Variants in LMTK2 observed in about 807,000 individuals in gnomAD.
LMTK2 encodes lemur tail kinase 2, also known as serine/threonine-protein kinase LMTK2.
A neutral mutation model predicts 127.5 loss-of-function variants in LMTK2; 37 were observed. That is an observed-to-expected ratio of 0.29 (90% CI 0.22 to 0.38). LMTK2 has a LOEUF of 0.38. Ranked by LOEUF, LMTK2 falls within the 10% of genes least tolerant of loss-of-function variation. The pLI, the probability that LMTK2 is intolerant of heterozygous loss-of-function variation, is 1.00. For missense variants in LMTK2, 1,694 were observed against 1,920.3 expected (o/e 0.88, Z 2.20); for synonymous variants, 819 against 810.1 (o/e 1.01, Z -0.19).
intron 7 of LMTK2, among the ~76,000 whole-genome samples, chr7:98,177,777 C>T (rs1311497643): frequency 2.6e-5 from 4 of 152,266 alleles, no homozygotes; most frequent in Admixed American, 2.6e-4. Flanking sequence ...ACACAGCAGG[C>T]ACTCAGTAAA....
intron 1 of LMTK2, among the ~76,000 whole-genome samples, chr7:98,133,862 T>C (rs1445756215): frequency 1.3e-5 from 2 of 152,198 alleles, no homozygotes; most frequent in Admixed American, 6.5e-5. Flanking sequence ...ACAGTCCTTA[T>C]CCAGTTCTGT....
In LMTK2 at chr7:98,192,797, C is replaced by T. The variant is rs751335382; in HGVS notation, c.2332C>T (p.Pro778Ser). 1 of 1,613,796 alleles carries T rather than the reference C, an allele frequency of 6.2e-7. No homozygotes were observed. The highest frequency in any genetic ancestry group is 8.5e-7 in the Non-Finnish European group (1 of 1,179,790). The change falls in exon 11 of 14, where the codon CCA (proline) becomes TCA (serine). Residue 778 changes from proline to serine, a missense_variant. Physicochemically the swap from Pro to Ser is moderately conservative, Grantham distance 74. Transcript: ENST00000297293. ...TGAGCTTCAGTTTGCTGAAAATAAG[C>T]CAGGCTTGTCTTTGTTGCAGGAAAA... ...DTELQFAENK[P>S]GLSLLQENVS...
intron 7 of LMTK2, among the ~76,000 whole-genome samples, chr7:98,172,651 T>C (rs187769119): frequency 6.6e-6 from 1 of 152,368 alleles, no homozygotes; most frequent in African/African-American, 2.4e-5. Context: ...AGTATTTCTT[T>C]AGTCAACTTT....
chr7:98,121,487 G>A (rs1010726643), intron 1 of LMTK2, among the ~76,000 whole-genome samples: 2 of 151,270 alleles, frequency 1.3e-5, no homozygotes, highest in African/African-American at 2.4e-5. Flanking sequence ...AAAAAAATTA[G>A]CCTGGCATGG....
intron 7 of LMTK2, among the ~76,000 whole-genome samples, chr7:98,179,759 T>G (rs1797327494): frequency 6.6e-6 from 1 of 152,192 alleles, no homozygotes; most frequent in Non-Finnish European, 1.5e-5. Context: ...CCCAGGCAGT[T>G]CAGCAGGCCT....
intron 1 of LMTK2, among the ~76,000 whole-genome samples, chr7:98,115,246 C>T (rs905979011): frequency 6.6e-6 from 1 of 151,734 alleles, no homozygotes; most frequent in Admixed American, 6.6e-5. Context: ...GAAACCCCGT[C>T]TATACTAAAA....
At chr7:98,108,951 C>T (rs1171287620) in intron 1 of LMTK2, among the ~76,000 whole-genome samples, 1 of 151,140 alleles carries the variant, frequency 6.6e-6, no homozygotes, top group African/African-American at 2.4e-5. Flanking sequence ...CAACCCCCCC[C>T]TTCCGAGTTC....
intron 7 of LMTK2, among the ~76,000 whole-genome samples, chr7:98,182,493 A>G (rs1036891890): frequency 6.6e-6 from 1 of 152,256 alleles, no homozygotes; most frequent in African/African-American, 2.4e-5. Context: ...GCCCAGCATC[A>G]GTGATCATTA....
chr7:98,108,202 T>A (rs937630027), intron 1 of LMTK2, among the ~76,000 whole-genome samples: 3 of 152,210 alleles, frequency 2.0e-5, no homozygotes, highest in African/African-American at 7.2e-5. Flanking sequence ...ATACTGGGCA[T>A]GTTGGGTCAA....
chr7:98,150,169 G>T (rs562777046), intron 3 of LMTK2, among the ~76,000 whole-genome samples: 1 of 152,056 alleles, frequency 6.6e-6, no homozygotes, highest in African/African-American at 2.4e-5. Context: ...GTAGTCGGGC[G>T]TGGTAGCAGG....
intron 1 of LMTK2, among the ~76,000 whole-genome samples, chr7:98,130,496 G>A (rs903335946): frequency 2.6e-5 from 4 of 152,096 alleles, no homozygotes; most frequent in African/African-American, 9.7e-5. Context: ...TGGGTTGGAT[G>A]GTGTTCCCCC....
intron 3 of LMTK2, among the ~76,000 whole-genome samples, chr7:98,145,255 A>G (rs1796753944): frequency 7.3e-6 from 1 of 136,906 alleles, no homozygotes; most frequent in Admixed American, 7.9e-5. Context: ...AGGGAAATGA[A>G]GAGGGAATCA....
At chr7:98,176,427 A>G (rs1012418729) in intron 7 of LMTK2, among the ~76,000 whole-genome samples, 1 of 152,240 alleles carries the variant, frequency 6.6e-6, no homozygotes, top group Admixed American at 6.5e-5. Flanking sequence ...GAAACCAGGC[A>G]GAGATGCCCA....
intron 7 of LMTK2, among the ~76,000 whole-genome samples, chr7:98,175,200 A>G (rs1285389583): frequency 1.3e-5 from 2 of 152,186 alleles, no homozygotes; most frequent in Admixed American, 1.3e-4. Context: ...GGAAGAGTCC[A>G]GGTCGGTTTT....
chr7:98,159,197 T>A, intron 5 of LMTK2, 141 bp from the exon 6 acceptor site: 3 of 498,464 alleles, frequency 6.0e-6, no homozygotes, highest in Non-Finnish European at 1.0e-5. Context: ...CTTTTTAGCC[T>A]GTCATTTATG....
chr7:98,187,679 C>T (rs1273713040), intron 9 of LMTK2, among the ~76,000 whole-genome samples: 3 of 127,188 alleles, frequency 2.4e-5, no homozygotes, highest in Admixed American at 1.6e-4. Context: ...TCTCGGCTCA[C>T]GGCTCACTGC....
chr7:98,191,601 G>A lies in LMTK2; in HGVS notation c.1149-13G>A, dbSNP rs748085361. On this transcript the variant is annotated splice_polypyrimidine_tract_variant and intron_variant, in intron 10 of 13. Coordinates refer to ENST00000297293, the MANE Select transcript of LMTK2 (RefSeq NM_014916.4). The stretch of plus-strand genomic sequence containing the variant: ...GTGATGGTTCCACTGATTGCTTGTC[G>A]TGTGCTGCTCAGGTATGAAGTCTTA... The A allele has an allele frequency of 1.5e-5, 24 of 1,553,090 alleles. No individual in the cohort carries two copies. The highest frequency in any genetic ancestry group is 2.0e-5 in the Admixed American group (1 of 48,980).
intron 6 of LMTK2, among the ~76,000 whole-genome samples, chr7:98,162,268 A>G (rs993870143): frequency 3.3e-5 from 5 of 152,236 alleles, no homozygotes; most frequent in Non-Finnish European, 7.3e-5. Flanking sequence ...ATGTTACCAT[A>G]AATGACCCAG....
intron 7 of LMTK2, among the ~76,000 whole-genome samples, chr7:98,182,879 T>TGA (rs1797375264): frequency 6.6e-6 from 1 of 152,224 alleles, no homozygotes; most frequent in South Asian, 2.1e-4. Flanking sequence ...CTGAATGAAC[T>TGA]CATCCTCTCA....
Sources: gnomAD v4.1 joint callset for allele counts (sites outside exome capture counted in the v4.1 genomes callset) on GRCh38, gnomAD v4.1.1 for gene constraint, MANE v1.5 for transcripts, NCBI Gene and HGNC (gene_info 2026-07-23, HGNC 2026-07-21) for gene names.